PIK3CG: variants seen among roughly 807,000 people sequenced by gnomAD.
The protein encoded by PIK3CG is phosphatidylinositol 4,5-bisphosphate 3-kinase catalytic subunit gamma isoform.
A neutral mutation model predicts 102.3 loss-of-function variants in PIK3CG; 55 were observed. The observed-to-expected ratio is 0.54, with a 90% CI of 0.43 to 0.67. PIK3CG has a LOEUF of 0.67. Among genes scored for constraint, PIK3CG ranks in the 30% least tolerant of loss-of-function variants. The pLI is 0.00. For missense variants in PIK3CG, 1,258 were observed against 1,391.8 expected (o/e 0.90, Z 1.53); for synonymous variants, 552 against 540.0 (o/e 1.02, Z -0.31).
rs13241592 is a variant in PIK3CG at position 106,896,190 on chromosome 7, A to G, written c.3031-8919A>G. Reference sequence around the variant, plus strand: ...TCCTTTAACGCCTCTCCTTGGGTACAGCAGGGATAGGTGAATTCCTGCATC... The same window carrying G: ...TCCTTTAACGCCTCTCCTTGGGTACGGCAGGGATAGGTGAATTCCTGCATC... On this transcript the variant is annotated intron_variant, in intron 10 of 10. Transcript: ENST00000496166. Among the ~76,000 whole-genome samples, 288 of 152,350 alleles carry G rather than the reference A, an allele frequency of 1.9e-3. 1 individual carries two copies. Among genetic ancestry groups the G allele is most frequent in the Admixed American group, 3.3e-3 (51 of 15,302 alleles).
At chr7:106,886,387 C>A in intron 10 of PIK3CG, 95 bp downstream of exon 10, 1 of 1,249,628 alleles carries the variant, frequency 8.0e-7, no homozygotes, top group Non-Finnish European at 1.1e-6. Context: ...AGCTTGGAGG[C>A]CAGTCCAGCC....
At position 106,883,304 on chromosome 7, in the gene PIK3CG, G is replaced by A. The variant is rs932165047; in HGVS notation, c.2760+141G>A. On this transcript the variant is annotated intron_variant, in intron 8 of 10. Transcript: ENST00000496166. The surrounding 1 kb of genome is among the most constrained non-coding windows in gnomAD (Gnocchi z 5.8). Reference sequence around the variant, plus strand: ...GAAGTTTTTTACTTGTGAAATAATGGAGGTTTTAAGTACCCTCCCGTGGTG... The same window carrying A: ...GAAGTTTTTTACTTGTGAAATAATGAAGGTTTTAAGTACCCTCCCGTGGTG... The A allele has an allele frequency of 3.6e-6, 3 of 838,336 alleles. No individual in the cohort carries two copies. The highest frequency in any genetic ancestry group is 5.6e-6 in the Non-Finnish European group (3 of 532,586). The allele number at this position is 838,336 out of a possible 1,614,324, so 51.9% of individuals were successfully genotyped here.
intron 2 of PIK3CG, among the ~76,000 whole-genome samples, chr7:106,870,274 T>C (rs1207172748): frequency 1.3e-5 from 2 of 152,220 alleles, no homozygotes; most frequent in Non-Finnish European, 2.9e-5. Context: ...TCTGCTCCGT[T>C]TCTCATGATG....
At chr7:106,875,407 C>T (rs913157326) in intron 5 of PIK3CG, among the ~76,000 whole-genome samples, 10 of 149,364 alleles carry the variant, frequency 6.7e-5, no homozygotes, top group Non-Finnish European at 1.2e-4. Context: ...GAAATGTATA[C>T]AATTATATAA....
rs1207051578 is a variant in PIK3CG at position 106,868,288 on chromosome 7, G to A, written c.727G>A (p.Ala243Thr). The stretch of plus-strand genomic sequence containing the variant: ...GGTCTCACCCGACGACACCCCCGGC[G>A]CCATCCTGCAGAGCTTCTTCACCAA... ...IKVSPDDTPG[A>T]ILQSFFTKMA... Residue 243 changes from alanine (A) to threonine (T), a missense_variant, in exon 2 of 11, where the codon GCC (alanine) becomes ACC (threonine). Coordinates refer to ENST00000496166, the MANE Select transcript of PIK3CG (RefSeq NM_001282426.2). The surrounding 1 kb of genome is among the most constrained non-coding windows in gnomAD (Gnocchi z 6.2). 1.1e-5 allele frequency: 18 copies of A among 1,614,026 alleles called. No homozygotes were observed. The highest frequency in any genetic ancestry group is 3.3e-5 in the Admixed American group (2 of 60,016).
intron 4 of PIK3CG, 117 bp downstream of exon 4, chr7:106,873,055 G>A (rs1333014336): frequency 1.4e-6 from 1 of 720,964 alleles, no homozygotes; most frequent in African/African-American, 1.8e-5. Context: ...AAGGCACCAA[G>A]AACACATTTT....
rs1440179047 is a variant in PIK3CG, at chr7:106,908,250, T to A, written c.*2863T>A. Reference sequence around the variant, plus strand: ...ACCAAGCACAGTGCCCTTCTGAGCATGAGGCTCTGTGTGACTGCATGGGTC... The same window carrying A: ...ACCAAGCACAGTGCCCTTCTGAGCAAGAGGCTCTGTGTGACTGCATGGGTC... On this transcript the variant is annotated 3_prime_UTR_variant, in exon 11 of 11. Transcript: ENST00000496166. The surrounding 1 kb of genome is among the most constrained non-coding windows in gnomAD (Gnocchi z 4.1). Among the ~76,000 whole-genome samples, 1 of 152,198 alleles carries A rather than the reference T, an allele frequency of 6.6e-6. No individual in the cohort carries two copies. The highest frequency in any genetic ancestry group is 1.5e-5 in the Non-Finnish European group (1 of 68,032).
At position 106,867,987 on chromosome 7, in the gene PIK3CG, G is replaced by C. The variant is rs747872159; in HGVS notation, c.426G>C (p.Pro142=). ...PGQIHLVQRH[P]PSEESQAFQR... Reference sequence around the variant, plus strand: ...AGATCCACCTGGTGCAGCGGCACCCGCCCTCCGAGGAGTCCCAAGCCTTCC... The same window carrying C: ...AGATCCACCTGGTGCAGCGGCACCCCCCCTCCGAGGAGTCCCAAGCCTTCC... Residue 142 remains proline, a synonymous_variant, in exon 2 of 11, where the codon CCG becomes CCC. Coordinates refer to ENST00000496166, the MANE Select transcript of PIK3CG (RefSeq NM_001282426.2). This position sits in a 1 kb window ranked among gnomAD's most constrained non-coding sequence, Gnocchi z 5.1. The C allele has an allele frequency of 6.2e-7, 1 of 1,612,016 alleles. No homozygotes were observed. The highest frequency in any genetic ancestry group is 8.5e-7 in the Non-Finnish European group (1 of 1,179,088).
Position 106,874,339 on chromosome 7 carries a change from G to A in PIK3CG, c.2288-361G>A, listed in dbSNP as rs1313220407. Among the ~76,000 whole-genome samples the A allele has an allele frequency of 6.6e-6, 1 of 152,164 alleles. No homozygotes were observed. The highest frequency in any genetic ancestry group is 1.5e-5 in the Non-Finnish European group (1 of 68,026). On this transcript the variant is annotated intron_variant, in intron 4 of 10. Transcript: ENST00000496166. This position sits in a 1 kb window ranked among gnomAD's most constrained non-coding sequence, Gnocchi z 4.3. Reference sequence around the variant, plus strand: ...AAATGTCTGTTCCTCAAATCAGATGGTAGTTTAAAGTTTAATGTGCTGGAA... The same window carrying A: ...AAATGTCTGTTCCTCAAATCAGATGATAGTTTAAAGTTTAATGTGCTGGAA...
Position 106,868,266 on chromosome 7 carries a change from C to G in PIK3CG, c.705C>G (p.Val235=), listed in dbSNP as rs764904645. 6.2e-7 allele frequency: 1 copy of G among 1,613,854 alleles called. No individual in the cohort carries two copies. Among genetic ancestry groups the G allele is most frequent in the Admixed American group, 1.7e-5 (1 of 60,032 alleles). The change falls in exon 2 of 11, where the codon GTC becomes GTG. Residue 235 remains valine, a synonymous_variant. Transcript: ENST00000496166. The surrounding 1 kb of genome is among the most constrained non-coding windows in gnomAD (Gnocchi z 6.2). ...GCACCACCAGCCAGACCATTAAGGT[C>G]TCACCCGACGACACCCCCGGCGCCA... The part of the protein sequence containing the change: ...HRSTTSQTIK[V]SPDDTPGAIL...
At chr7:106,888,679 C>G (rs7785112) in intron 10 of PIK3CG, among the ~76,000 whole-genome samples, 1 of 152,146 alleles carries the variant, frequency 6.6e-6, no homozygotes, top group Non-Finnish European at 1.5e-5. Flanking sequence ...TGTGTGTGTC[C>G]GTGTTTTGGA....
In PIK3CG at chr7:106,874,957, C is replaced by A. The variant is rs1424441336; in HGVS notation, c.2391+154C>A. On this transcript the variant is annotated intron_variant, in intron 5 of 10. Transcript: ENST00000496166. The surrounding 1 kb of genome is among the most constrained non-coding windows in gnomAD (Gnocchi z 4.3). ...TTTCTCATAAGCCCTTGTCTAATCA[C>A]TGGTTATGAAAGCCTCAATACCAGA... 6.6e-6 allele frequency among the ~76,000 whole-genome samples: 1 copy of A among 152,304 alleles called. No homozygotes were observed. Among genetic ancestry groups the A allele is most frequent in the Non-Finnish European group, 1.5e-5 (1 of 68,030 alleles).
At chr7:106,882,784 C>T (rs1790978236) in intron 7 of PIK3CG, 1 of 370,614 alleles carries the variant, frequency 2.7e-6, no homozygotes, top group Middle Eastern at 7.4e-4. Context: ...TATTACTATT[C>T]AAAACCAGCC....
chr7:106,876,304 G>C (rs541310736), intron 5 of PIK3CG, among the ~76,000 whole-genome samples: 303 of 152,050 alleles, frequency 2.0e-3, no homozygotes, highest in Non-Finnish European at 3.3e-3. Flanking sequence ...ATAAGGTTGA[G>C]TGTCTTTCTA....
rs764448885 is a variant in PIK3CG, at chr7:106,867,957, G to A, written c.396G>A (p.Pro132=). ...LRYWKATHRS[P]GQIHLVQRHP... is the part of the protein sequence containing the mutation. ...ACTGGAAGGCCACGCACCGGAGCCC[G>A]GGCCAGATCCACCTGGTGCAGCGGC... Residue 132 remains proline (P), a synonymous_variant, in exon 2 of 11, where the codon CCG becomes CCA. Coordinates refer to ENST00000496166, the MANE Select transcript of PIK3CG (RefSeq NM_001282426.2). The surrounding 1 kb of genome is among the most constrained non-coding windows in gnomAD (Gnocchi z 5.1). 15 of 1,612,588 alleles carry A rather than the reference G, an allele frequency of 9.3e-6. No homozygotes were observed. In the East Asian group the frequency reaches 1.6e-4, roughly 17 times the overall value.
In PIK3CG at chr7:106,903,918, C is replaced by G. The variant is rs974627645; in HGVS notation, c.3031-1191C>G. 3.3e-5 allele frequency among the ~76,000 whole-genome samples: 5 copies of G among 151,904 alleles called. No individual in the cohort carries two copies. Among genetic ancestry groups the G allele is most frequent in the Non-Finnish European group, 7.4e-5 (5 of 67,984 alleles). ...GGATTACAGACACATGCCACCACAC[C>G]CAGCTAATTTTTTTGTATTTTTAGT... On this transcript the variant is annotated intron_variant, in intron 10 of 10. Coordinates refer to ENST00000496166, the MANE Select transcript of PIK3CG (RefSeq NM_001282426.2). The surrounding 1 kb of genome is among the most constrained non-coding windows in gnomAD (Gnocchi z 4.3).
At chr7:106,882,970 T>C (rs2116542645) in intron 7 of PIK3CG, 63 bp from the exon 8 acceptor site, 3 of 1,384,956 alleles carry the variant, frequency 2.2e-6, no homozygotes, top group Non-Finnish European at 3.0e-6. Flanking sequence ...AGACATAGCC[T>C]TTCCTCCTCT....
chr7:106,869,307 C>T lies in PIK3CG; in HGVS notation c.1746C>T (p.Ser582=), dbSNP rs945105489. 1.2e-6 allele frequency: 2 copies of T among 1,614,078 alleles called. No individual in the cohort carries two copies. The highest frequency in any genetic ancestry group is 2.7e-5 in the African/African-American group (2 of 74,918). ...TGCTCTGGCATTTTAGATACGAAAGCCTTAAGCACCCAAAAGCATATCCTA... is the reference window on the plus strand; with the variant it reads ...TGCTCTGGCATTTTAGATACGAAAGTCTTAAGCACCCAAAAGCATATCCTA... ...KELLWHFRYE[S]LKHPKAYPKL... is the part of the protein sequence containing the mutation. Residue 582 remains serine (S), a synonymous_variant, in exon 2 of 11, where the codon AGC becomes AGT. Transcript: ENST00000496166. The surrounding 1 kb of genome is among the most constrained non-coding windows in gnomAD (Gnocchi z 5.3).
rs140216848 is a variant in PIK3CG at position 106,905,357 on chromosome 7, C to T, written c.3279C>T (p.Gly1093=). ...ATTGGTTTCTACATCTTGTTCTTGG[C>T]ATCAAACAAGGAGAGAAACATTCAG... ...QFNWFLHLVL[G]IKQGEKHSA Residue 1093 remains glycine (G), a synonymous_variant, in exon 11 of 11, where the codon GGC becomes GGT. Coordinates refer to ENST00000496166, the MANE Select transcript of PIK3CG (RefSeq NM_001282426.2). This position sits in a 1 kb window ranked among gnomAD's most constrained non-coding sequence, Gnocchi z 5.6. 76 of 1,613,868 alleles carry T rather than the reference C, an allele frequency of 4.7e-5. No homozygotes were observed. The African/African-American group carries it at 8.7e-4, about 18-fold the overall frequency.
Sources: gnomAD v4.1 joint callset for allele counts (sites outside exome capture counted in the v4.1 genomes callset) on GRCh38, gnomAD v4.1.1 for gene constraint, Gnocchi (gnomAD v3.1) non-coding constraint, MANE v1.5 for transcripts, NCBI Gene and HGNC (gene_info 2026-07-23, HGNC 2026-07-21) for gene names.